Variants in FRMPD4 observed in about 807,000 individuals in gnomAD.
The protein encoded by FRMPD4 is FERM and PDZ domain containing 4.
A neutral mutation model predicts 94.1 loss-of-function variants in FRMPD4; 22 were observed. The observed-to-expected ratio is 0.23, with a 90% CI of 0.17 to 0.33. The LOEUF (loss-of-function observed/expected upper bound fraction) is 0.33, where lower values mean the gene tolerates loss of function less well. FRMPD4 is among the 10% of genes least tolerant of loss of function. FRMPD4 has a pLI of 1.00. For synonymous variants in FRMPD4, 631 were observed against 548.6 expected, an observed-to-expected ratio of 1.15 and a Z score of -2.10; for missense variants, 1,111 against 1,339.9, an observed-to-expected ratio of 0.83 and a Z score of 2.67.
At chrX:12,168,261 G>A (rs1297750674) in intron 1 of FRMPD4, among the ~76,000 whole-genome samples, 1 of 110,664 alleles carries the variant, frequency 9.0e-6, no homozygotes, top group Non-Finnish European at 1.9e-5. Flanking sequence ...CACTGGACTG[G>A]GCTAATGAAA....
At chrX:12,690,894 C>G (rs1047011803) in intron 8 of FRMPD4, among the ~76,000 whole-genome samples, 3 of 111,549 alleles carry the variant, frequency 2.7e-5, no homozygotes, top group Non-Finnish European at 5.6e-5. Flanking sequence ...AGCGCAGCAC[C>G]CTGATTTTTC....
At chrX:11,897,745 G>A (rs888892382) in intron 3 of FRMPD4, among the ~76,000 whole-genome samples, 5 of 112,074 alleles carry the variant, frequency 4.5e-5, no homozygotes, top group African/African-American at 1.6e-4. Context: ...GAATAAAGTC[G>A]AAAAACCTCC....
chrX:12,184,153 C>G lies in FRMPD4; in HGVS notation c.41+45141C>G, dbSNP rs183380323. On this transcript the variant is annotated intron_variant, in intron 1 of 16. Transcript: ENST00000675598. Reference sequence around the variant, plus strand: ...CTGCAACACTGATTTTTTTTAAAGTCCCAAGTTAATTTCCCATCATTACTA... The same window carrying G: ...CTGCAACACTGATTTTTTTTAAAGTGCCAAGTTAATTTCCCATCATTACTA... Among the ~76,000 whole-genome samples the G allele has an allele frequency of 4.5e-4, 50 of 110,356 alleles. No individual in the cohort carries two copies. In the Admixed American group the frequency reaches 4.7e-3, roughly 10 times the overall value.
chrX:12,412,388 A>C (rs1033713880), intron 1 of FRMPD4, among the ~76,000 whole-genome samples: 9 of 112,297 alleles, frequency 8.0e-5, no homozygotes, highest in Non-Finnish European at 1.7e-4. Context: ...GATGATCAGT[A>C]TCTGAGGTTC....
chrX:12,079,458 C>T (rs1236072998), intron 3 of FRMPD4, among the ~76,000 whole-genome samples: 2 of 111,415 alleles, frequency 1.8e-5, no homozygotes, highest in African/African-American at 6.5e-5. Context: ...TGAATCTGTA[C>T]ACAAGATCCA....
At chrX:11,970,504 CACTG>C (rs1183002637) in intron 3 of FRMPD4, among the ~76,000 whole-genome samples, 1 of 112,193 alleles carries the variant, frequency 8.9e-6, no homozygotes, top group Non-Finnish European at 1.9e-5. Context: ...TTGGTTCCAG[CACTG>C]ACTGACTATG....
intron 3 of FRMPD4, among the ~76,000 whole-genome samples, chrX:11,990,073 A>T (rs1159222824): frequency 1.8e-5 from 2 of 112,525 alleles, no homozygotes; most frequent in Non-Finnish European, 3.8e-5. Context: ...CCATCAATGG[A>T]TAAATAAATA....
intron 3 of FRMPD4, among the ~76,000 whole-genome samples, chrX:11,929,538 C>T (rs1024153300): frequency 8.9e-6 from 1 of 112,181 alleles, no homozygotes; most frequent in African/African-American, 3.2e-5. Flanking sequence ...AATAAAATGT[C>T]AATGATCTTC....
chrX:12,454,642 T>C (rs1473311805), intron 1 of FRMPD4, among the ~76,000 whole-genome samples: 2 of 110,546 alleles, frequency 1.8e-5, no homozygotes, highest in African/African-American at 6.6e-5. Context: ...AGTTAATTTT[T>C]AGACATACTG....
intron 3 of FRMPD4, among the ~76,000 whole-genome samples, chrX:12,032,749 G>A (rs2054699438): frequency 8.9e-6 from 1 of 111,741 alleles, no homozygotes; most frequent in South Asian, 3.8e-4. Flanking sequence ...ATCTGTCAGT[G>A]GTAAATAAAT....
chrX:12,106,358 T>C (rs775994539), intron 3 of FRMPD4, among the ~76,000 whole-genome samples: 1 of 111,831 alleles, frequency 8.9e-6, no homozygotes, highest in South Asian at 3.8e-4. Flanking sequence ...TGAGTTAATA[T>C]ACAATAGGCC....
chrX:11,987,812 C>T (rs761656559), intron 3 of FRMPD4, among the ~76,000 whole-genome samples: 42 of 111,081 alleles, frequency 3.8e-4, no homozygotes, highest in African/African-American at 1.4e-3. Context: ...AAATGTAATA[C>T]CATTTGTAAT....
chrX:11,862,964 T>G (rs2053696019), intron 1 of FRMPD4, among the ~76,000 whole-genome samples: 1 of 91,801 alleles, frequency 1.1e-5, no homozygotes, highest in Non-Finnish European at 2.1e-5. Flanking sequence ...AACTTGGTTT[T>G]TTTTTTTTTT....
intron 2 of FRMPD4, among the ~76,000 whole-genome samples, chrX:11,875,784 C>T (rs777034577): frequency 4.5e-5 from 5 of 110,727 alleles, no homozygotes; most frequent in Non-Finnish European, 9.4e-5. Context: ...GACCCCCCTA[C>T]ACTAATCTCC....
chrX:12,095,745 C>A, intron 3 of FRMPD4, among the ~76,000 whole-genome samples: 1 of 112,316 alleles, frequency 8.9e-6, no homozygotes, highest in East Asian at 2.8e-4. Context: ...CTGGTAATGT[C>A]CCCCTATGGG....
chrX:12,238,552 G>A (rs1158320035), intron 1 of FRMPD4, among the ~76,000 whole-genome samples: 1 of 112,158 alleles, frequency 8.9e-6, no homozygotes, highest in African/African-American at 3.2e-5. Flanking sequence ...TAAACGTTGT[G>A]TCAGTATTAT....
chrX:11,977,313 C>G (rs1290650536), intron 3 of FRMPD4, among the ~76,000 whole-genome samples: 2 of 112,225 alleles, frequency 1.8e-5, no homozygotes, highest in Admixed American at 1.9e-4. Flanking sequence ...TTCTCTGGTG[C>G]TCTGATGCGT....
chrX:11,836,967 G>A (rs200655711), intron 1 of FRMPD4, among the ~76,000 whole-genome samples: 1 of 112,005 alleles, frequency 8.9e-6, no homozygotes, highest in East Asian at 2.8e-4. Context: ...CAAAATCTAC[G>A]TCCTTTTTCA....
chrX:12,335,407 C>T (rs1000986905), intron 1 of FRMPD4, among the ~76,000 whole-genome samples: 5 of 112,063 alleles, frequency 4.5e-5, no homozygotes, highest in African/African-American at 1.3e-4. Context: ...GGATTACAGG[C>T]GTGAGCCACT....
Sources: gnomAD v4.1 joint callset for allele counts (sites outside exome capture counted in the v4.1 genomes callset) on GRCh38, gnomAD v4.1.1 for gene constraint, MANE v1.5 for transcripts, NCBI Gene and HGNC (gene_info 2026-07-23, HGNC 2026-07-21) for gene names.